CFAP47: variants seen among roughly 807,000 people sequenced by gnomAD.
The protein encoded by CFAP47 is cilia and flagella associated protein 47, also known as cilia- and flagella-associated protein 47.
A neutral mutation model predicts 148.1 loss-of-function variants in CFAP47; 29 were observed. That is an observed-to-expected ratio of 0.20 (90% CI 0.15 to 0.27). The LOEUF is 0.27. Ranked by LOEUF, CFAP47 falls within the 10% of genes least tolerant of loss-of-function variation. The probability of loss-of-function intolerance (pLI) is 1.00; values close to 1 mark genes in which losing one functional copy is unlikely to be tolerated. For synonymous variants in CFAP47, 664 were observed against 577.3 expected (o/e 1.15, Z -2.15); for missense variants, 1,872 against 1,697.5 (o/e 1.10, Z -1.81).
intron 49 of CFAP47, among the ~76,000 whole-genome samples, chrX:36,262,062 T>A (rs782620471): frequency 2.7e-5 from 3 of 112,205 alleles, no homozygotes; most frequent in Middle Eastern, 4.7e-3. Context: ...TGGCTTTGCG[T>A]TTCTTTTAAA....
At chrX:36,011,979 T>C (rs1164422254) in intron 21 of CFAP47, among the ~76,000 whole-genome samples, 1 of 111,606 alleles carries the variant, frequency 9.0e-6, no homozygotes, top group African/African-American at 3.3e-5. Context: ...GTTTTTATGG[T>C]TTTTGGTTTT....
chrX:36,148,265 G>A (rs185296557), intron 36 of CFAP47, among the ~76,000 whole-genome samples: 14 of 111,485 alleles, frequency 1.3e-4, no homozygotes, highest in East Asian at 8.6e-4. Context: ...CCTGAGCAAT[G>A]GCAGGAGATG....
chrX:36,029,225 G>T (rs1252457379), intron 22 of CFAP47, among the ~76,000 whole-genome samples: 1 of 110,795 alleles, frequency 9.0e-6, no homozygotes, highest in African/African-American at 3.3e-5. Context: ...CATATTAGTT[G>T]TAATGTATCT....
At position 36,320,816 on chromosome X, in the gene CFAP47, A is replaced by T. The variant is rs1339467500; in HGVS notation, c.8443+1509A>T. ...AGTGAAACTGGAATAATCAAACAATACTGATGGAAATACAAATTACTACAT... is the reference window on the plus strand; with the variant it reads ...AGTGAAACTGGAATAATCAAACAATTCTGATGGAAATACAAATTACTACAT... On this transcript the variant is annotated intron_variant, in intron 57 of 63. Transcript: ENST00000378653. 2.7e-5 allele frequency among the ~76,000 whole-genome samples: 3 copies of T among 111,720 alleles called. No homozygotes were observed. The East Asian group carries it at 8.5e-4, about 32-fold the overall frequency.
rs201689721 is a variant in CFAP47 at position 36,197,530 on chromosome X, AT to A, written c.6322-2844del. ...AAGATCTTCAGTCTTTAACTGATGC[AT>A]TTTTCCTCTACTTGAATTACTGAAT... On this transcript the variant is annotated intron_variant, in intron 42 of 63. Transcript: ENST00000378653. Among the ~76,000 whole-genome samples the A allele has an allele frequency of 1.9e-3, 216 of 112,026 alleles. 1 individual carries two copies. Among genetic ancestry groups the A allele is most frequent in the African/African-American group, 6.5e-3 (202 of 30,985 alleles).
chrX:36,269,275 C>G (rs1556001511), intron 49 of CFAP47, among the ~76,000 whole-genome samples: 3 of 112,111 alleles, frequency 2.7e-5, no homozygotes, highest in Non-Finnish European at 1.9e-5. Flanking sequence ...TGTAGTGAAT[C>G]TAAACAAATG....
At chrX:36,122,068 G>GT (rs1196741954) in intron 33 of CFAP47, among the ~76,000 whole-genome samples, 25 of 109,288 alleles carry the variant, frequency 2.3e-4, no homozygotes, top group South Asian at 1.2e-3. Context: ...AGAGCAAAAG[G>GT]TTTTTTTTTG....
chrX:36,365,105 A>G (rs1396911933), intron 61 of CFAP47, among the ~76,000 whole-genome samples: 1 of 108,091 alleles, frequency 9.3e-6, no homozygotes, highest in Non-Finnish European at 1.9e-5. Flanking sequence ...AAGTGGAGAA[A>G]CCGGTTCTTG....
intron 33 of CFAP47, among the ~76,000 whole-genome samples, chrX:36,121,220 C>T (rs1265376664): frequency 1.8e-5 from 2 of 110,947 alleles, no homozygotes; most frequent in Admixed American, 1.9e-4. Flanking sequence ...AATATTTTTT[C>T]CACCCCTTTA....
intron 57 of CFAP47, among the ~76,000 whole-genome samples, chrX:36,340,986 A>C (rs1275010366): frequency 9.0e-6 from 1 of 110,686 alleles, no homozygotes; most frequent in Non-Finnish European, 1.9e-5. Flanking sequence ...ATTTGTATTT[A>C]AAGCAAAAAT....
At chrX:36,034,669 G>A (rs965024391) in intron 23 of CFAP47, among the ~76,000 whole-genome samples, 11 of 110,041 alleles carry the variant, frequency 1.0e-4, no homozygotes, top group South Asian at 3.8e-4. Flanking sequence ...GCTCTTCTAC[G>A]TTGGTCCTTT....
intron 57 of CFAP47, among the ~76,000 whole-genome samples, chrX:36,340,219 T>C (rs1941641046): frequency 8.9e-6 from 1 of 111,934 alleles, no homozygotes; most frequent in Non-Finnish European, 1.9e-5. Context: ...AGCTTTTCCA[T>C]CATCAGAGCA....
intron 8 of CFAP47, among the ~76,000 whole-genome samples, chrX:35,963,629 A>T (rs191595150): frequency 1.8e-5 from 2 of 111,252 alleles, no homozygotes; most frequent in East Asian, 5.6e-4. Context: ...CTATAATTAC[A>T]TATCCTCCTA....
intron 39 of CFAP47, among the ~76,000 whole-genome samples, 153 bp from the exon 40 acceptor site, chrX:36,179,192 A>G (rs1939721165): frequency 8.9e-6 from 1 of 112,621 alleles, no homozygotes; most frequent in Admixed American, 9.4e-5. Flanking sequence ...TTTGAGTTGC[A>G]GAATGAAAGC....
chrX:36,306,822 T>G lies in CFAP47; in HGVS notation c.8133T>G (p.Pro2711=). Residue 2711 remains proline, a synonymous_variant, in exon 55 of 64, where the codon CCT becomes CCG. Transcript: ENST00000378653. ...STTELPVLFY[P]SALGRADHQA... ...CAGAATTACCTGTTCTCTTTTATCCTTCTGCACTTGGAAGAGCTGATCATC... is the reference window on the plus strand; with the variant it reads ...CAGAATTACCTGTTCTCTTTTATCCGTCTGCACTTGGAAGAGCTGATCATC... 1 of 1,160,720 alleles carries G rather than the reference T, an allele frequency of 8.6e-7. No homozygotes were observed. The highest frequency in any genetic ancestry group is 3.3e-5 in the East Asian group (1 of 30,559).
intron 22 of CFAP47, among the ~76,000 whole-genome samples, chrX:36,023,951 C>A (rs1457743284): frequency 1.8e-5 from 2 of 112,248 alleles, no homozygotes; most frequent in Admixed American, 9.4e-5. Flanking sequence ...TGCTCTCCCC[C>A]ACTGTTGCTG....
intron 25 of CFAP47, among the ~76,000 whole-genome samples, chrX:36,042,941 G>C (rs1380955305): frequency 9.0e-6 from 1 of 111,502 alleles, no homozygotes; most frequent in Non-Finnish European, 1.9e-5. Context: ...AGTGGTACAG[G>C]GGTAGATAAA....
chrX:36,037,624 T>A (rs988748482), intron 24 of CFAP47, among the ~76,000 whole-genome samples: 1 of 111,058 alleles, frequency 9.0e-6, no homozygotes, highest in African/African-American at 3.3e-5. Context: ...AAAAAGGGTA[T>A]GATTGAATCT....
chrX:36,159,351 T>C (rs1044158889), intron 37 of CFAP47, 75 bp from the exon 38 acceptor site: 4 of 291,701 alleles, frequency 1.4e-5, no homozygotes, highest in Admixed American at 6.2e-5. Context: ...ATTAGACACA[T>C]GGTCTACATT....
Sources: gnomAD v4.1 joint callset for allele counts (sites outside exome capture counted in the v4.1 genomes callset) on GRCh38, gnomAD v4.1.1 for gene constraint, MANE v1.5 for transcripts, NCBI Gene and HGNC (gene_info 2026-07-23, HGNC 2026-07-21) for gene names.